The following CDK8 variants were observed in gnomAD, a reference collection of about 807,000 sequenced individuals.
CDK8 encodes the protein cyclin dependent kinase 8.
A neutral mutation model predicts 71.5 loss-of-function variants in CDK8; 29 were observed. The observed-to-expected ratio is 0.41, with a 90% confidence interval of 0.30 to 0.55. The LOEUF (loss-of-function observed/expected upper bound fraction) is 0.55, where lower values mean the gene tolerates loss of function less well. CDK8 is among the 20% of genes least tolerant of loss of function. CDK8 has a pLI of 0.37. For missense variants in CDK8, 288 were observed against 572.6 expected, an observed-to-expected ratio of 0.50 and a Z score of 5.07; for synonymous variants, 161 against 192.1, an observed-to-expected ratio of 0.84 and a Z score of 1.34.
intron 2 of CDK8, among the ~76,000 whole-genome samples, chr13:26,340,496 G>A (rs979180686): frequency 6.6e-6 from 1 of 151,958 alleles, no homozygotes; most frequent in Non-Finnish European, 1.5e-5. Flanking sequence ...GGTACGTAGG[G>A]GTTTTTTTTA....
At chr13:26,371,119 T>G (rs920711750) in intron 4 of CDK8, among the ~76,000 whole-genome samples, 27 of 152,046 alleles carry the variant, frequency 1.8e-4, no homozygotes, top group Non-Finnish European at 3.7e-4. Flanking sequence ...CCCCAGAAGT[T>G]TTTACTTAAG....
chr13:26,315,629 A>G (rs1293749043), intron 1 of CDK8, among the ~76,000 whole-genome samples: 1 of 152,192 alleles, frequency 6.6e-6, no homozygotes, highest in Non-Finnish European at 1.5e-5. Flanking sequence ...TCTCTGTGGA[A>G]CCAATTTAGC....
At chr13:26,365,843 A>C (rs1874362803) in intron 4 of CDK8, among the ~76,000 whole-genome samples, 2 of 152,086 alleles carry the variant, frequency 1.3e-5, no homozygotes, top group African/African-American at 4.8e-5. Flanking sequence ...ATTTAATACG[A>C]TATTAATGGT....
chr13:26,277,857 G>A (rs1054070295), intron 1 of CDK8, among the ~76,000 whole-genome samples: 1 of 152,134 alleles, frequency 6.6e-6, no homozygotes, highest in African/African-American at 2.4e-5. Context: ...GCCTTCTGAG[G>A]TATAAATCAA....
chr13:26,315,177 T>C (rs908732057), intron 1 of CDK8, among the ~76,000 whole-genome samples: 1 of 152,244 alleles, frequency 6.6e-6, no homozygotes, highest in South Asian at 2.1e-4. Flanking sequence ...TGTTAAATCA[T>C]AGTTTCTATA....
intron 2 of CDK8, among the ~76,000 whole-genome samples, chr13:26,342,591 T>TC (rs1438970169): frequency 6.6e-6 from 1 of 152,160 alleles, no homozygotes; most frequent in Non-Finnish European, 1.5e-5. Context: ...TCCCAGGTCT[T>TC]TTGGAGTTTC....
chr13:26,285,976 G>A (rs1872999663), intron 1 of CDK8, among the ~76,000 whole-genome samples: 1 of 152,146 alleles, frequency 6.6e-6, no homozygotes, highest in Admixed American at 6.5e-5. Flanking sequence ...TCTCTGCAAG[G>A]AAAACTGCAA....
At chr13:26,258,927 C>A (rs1412854365) in intron 1 of CDK8, among the ~76,000 whole-genome samples, 1 of 152,096 alleles carries the variant, frequency 6.6e-6, no homozygotes, top group Non-Finnish European at 1.5e-5. Flanking sequence ...CCTTGCCATT[C>A]CTCTGTATTT....
At chr13:26,345,318 A>T (rs1873417118) in intron 2 of CDK8, among the ~76,000 whole-genome samples, 1 of 152,052 alleles carries the variant, frequency 6.6e-6, no homozygotes, top group African/African-American at 2.4e-5. Context: ...ACTCTCAGAG[A>T]TTTGTTGTCT....
intron 1 of CDK8, among the ~76,000 whole-genome samples, chr13:26,311,846 C>T (rs1251233692): frequency 6.6e-6 from 1 of 152,198 alleles, no homozygotes; most frequent in Non-Finnish European, 1.5e-5. Flanking sequence ...ATCTTTGGAT[C>T]AGTCTGACCC....
At chr13:26,382,275 A>G (rs1311353510) in intron 4 of CDK8, among the ~76,000 whole-genome samples, 1 of 152,216 alleles carries the variant, frequency 6.6e-6, no homozygotes, top group East Asian at 1.9e-4. Flanking sequence ...TGAAAATCTT[A>G]AAACTGTTCC....
rs971240827 is a variant in CDK8, at chr13:26,279,810, A to G, written c.128+25041A>G. 3.9e-5 allele frequency among the ~76,000 whole-genome samples: 6 copies of G among 152,356 alleles called. No homozygotes were observed. In the South Asian group the frequency reaches 8.3e-4, roughly 21 times the overall value. ...GAAAATGTTATTTTGGGGGTGTTAT[A>G]TAAATGATATTTTGATTATATAGGA... On this transcript the variant is annotated intron_variant, in intron 1 of 12. Coordinates refer to ENST00000381527, the MANE Select transcript of CDK8 (RefSeq NM_001260.3).
At chr13:26,281,030 C>T (rs1872724352) in intron 1 of CDK8, among the ~76,000 whole-genome samples, 1 of 152,222 alleles carries the variant, frequency 6.6e-6, no homozygotes, top group Non-Finnish European at 1.5e-5. Flanking sequence ...TGGCTGGAGG[C>T]CAACCACAAT....
At position 26,254,605 on chromosome 13, in the gene CDK8, C is replaced by G. The variant is rs569174188; in HGVS notation, c.-37C>G. 3.5e-5 allele frequency: 54 copies of G among 1,534,564 alleles called. No individual in the cohort carries two copies. Among genetic ancestry groups the G allele is most frequent in the Non-Finnish European group, 4.8e-5 (54 of 1,133,470 alleles). On this transcript the variant is annotated 5_prime_UTR_variant, in exon 1 of 13. Coordinates refer to ENST00000381527, the MANE Select transcript of CDK8 (RefSeq NM_001260.3). The surrounding 1 kb of genome is among the most constrained non-coding windows in gnomAD (Gnocchi z 6.7). Reference sequence around the variant, plus strand: ...CCGGTCCCCACCCCTGCCCCCCGGCCCCCCGACCCAGCTCTCCGGCCTCAG... The same window carrying G: ...CCGGTCCCCACCCCTGCCCCCCGGCGCCCCGACCCAGCTCTCCGGCCTCAG...
chr13:26,266,596 T>C (rs371923607), intron 1 of CDK8, among the ~76,000 whole-genome samples: 46 of 152,186 alleles, frequency 3.0e-4, no homozygotes, highest in African/African-American at 1.1e-3. Context: ...GCAAGGGAGA[T>C]AAAGAAGTGT....
At chr13:26,391,727 G>A (rs1417540963) in intron 6 of CDK8, among the ~76,000 whole-genome samples, 1 of 152,188 alleles carries the variant, frequency 6.6e-6, no homozygotes, top group African/African-American at 2.4e-5. Context: ...TATGTTTCTT[G>A]ATGAGACTTT....
intron 1 of CDK8, among the ~76,000 whole-genome samples, chr13:26,281,153 C>G (rs138126077): frequency 6.6e-6 from 1 of 152,326 alleles, no homozygotes; most frequent in African/African-American, 2.4e-5. Context: ...CTCCATGTGA[C>G]AACACTGCTA....
At chr13:26,340,590 T>G (rs1257900865) in intron 2 of CDK8, among the ~76,000 whole-genome samples, 3 of 152,206 alleles carry the variant, frequency 2.0e-5, no homozygotes, top group Non-Finnish European at 2.9e-5. Context: ...CAAGTTTTTA[T>G]CAGGCCTTCC....
intron 4 of CDK8, among the ~76,000 whole-genome samples, chr13:26,365,919 C>T (rs1488040295): frequency 6.6e-6 from 1 of 151,868 alleles, no homozygotes; most frequent in Admixed American, 6.6e-5. Flanking sequence ...TATCACAATA[C>T]CAAGAAACTC....
Sources: allele counts gnomAD v4.1 joint callset (sites outside exome capture counted in the v4.1 genomes callset), GRCh38; gene constraint gnomAD v4.1.1; non-coding constraint Gnocchi (gnomAD v3.1); transcripts MANE v1.5; gene names NCBI Gene and HGNC (gene_info 2026-07-23, HGNC 2026-07-21).